EGFL6: variants seen among roughly 807,000 people sequenced by gnomAD.
EGFL6 encodes the protein EGF like domain multiple 6, also known as epidermal growth factor-like protein 6.
In EGFL6, 42 loss-of-function variants were observed where a neutral mutation model predicts 43.1. The ratio of observed to expected loss-of-function variants is 0.98; its 90% CI spans 0.76 to 1.26. The LOEUF (loss-of-function observed/expected upper bound fraction) is 1.26. EGFL6 is among the 50% of genes most tolerant of loss of function. EGFL6 has a pLI of 0.00. For missense variants in EGFL6, 429 were observed against 427.8 expected (o/e 1.00, Z -0.02); for synonymous variants, 164 against 163.2 (o/e 1.01, Z -0.04).
chrX:13,577,329 TATATATATATATAC>T (rs1296387893), intron 1 of EGFL6, among the ~76,000 whole-genome samples: 708 of 16,747 alleles, frequency 0.042, 9 homozygotes, highest in African/African-American at 0.11. Context: ...TATATATATA[TATATATATATATAC>T]ATACACACAC....
rs758232939 is a variant in EGFL6 at position 13,569,833 on chromosome X, C to G, written c.-29C>G. The G allele has an allele frequency of 1.7e-6, 2 of 1,206,964 alleles. No homozygotes were observed. The highest frequency in any genetic ancestry group is 3.5e-5 in the South Asian group (2 of 56,813). On this transcript the variant is annotated 5_prime_UTR_variant, in exon 1 of 12. Transcript: ENST00000361306. ...GGCCGGCGCCCTCCCGAGGGGGGCT[C>G]AGGAGGAGGAAGGAGGACCCGTGCG...
At chrX:13,612,772 G>T (rs774932782) in intron 7 of EGFL6, among the ~76,000 whole-genome samples, 1 of 112,648 alleles carries the variant, frequency 8.9e-6, no homozygotes, top group East Asian at 2.8e-4. Flanking sequence ...ATTGCATCTA[G>T]TTAGCATTCA....
At chrX:13,599,592 G>T (rs2045620554) in intron 3 of EGFL6, among the ~76,000 whole-genome samples, 1 of 108,181 alleles carries the variant, frequency 9.2e-6, no homozygotes, top group Non-Finnish European at 1.9e-5. Flanking sequence ...CTATTCTTCT[G>T]TTGGGAGGTG....
intron 11 of EGFL6, among the ~76,000 whole-genome samples, chrX:13,629,987 C>G (rs763582488): frequency 1.8e-5 from 2 of 112,258 alleles, no homozygotes; most frequent in South Asian, 7.5e-4. Flanking sequence ...GACACAGAAA[C>G]CTTTACTGGG....
chrX:13,626,260 G>A lies in EGFL6; in HGVS notation c.1286-751G>A, dbSNP rs1301345376. Among the ~76,000 whole-genome samples the A allele has an allele frequency of 2.7e-5, 3 of 111,512 alleles. No homozygotes were observed. The Admixed American group carries it at 2.9e-4, about 11-fold the overall frequency. On this transcript the variant is annotated intron_variant, in intron 10 of 11. Coordinates refer to ENST00000361306, the MANE Select transcript of EGFL6 (RefSeq NM_015507.4). ...CAGCCTGGGTCCTGCAAGTATCTCC[G>A]ACTTGCAGTAGCAGAAGACGACCCA...
At chrX:13,607,436 T>TG (rs2045666896) in intron 6 of EGFL6, among the ~76,000 whole-genome samples, 1 of 111,958 alleles carries the variant, frequency 8.9e-6, no homozygotes, top group African/African-American at 3.3e-5. Context: ...CGAACCATCT[T>TG]GTGAAGCCTC....
chrX:13,619,892 C>G (rs756279270), intron 9 of EGFL6, among the ~76,000 whole-genome samples: 3 of 111,394 alleles, frequency 2.7e-5, no homozygotes, highest in African/African-American at 9.8e-5. Context: ...CTCTCATCCT[C>G]CAGCAGGCTA....
chrX:13,585,590 G>A (rs1255681437), intron 1 of EGFL6, among the ~76,000 whole-genome samples: 1 of 110,908 alleles, frequency 9.0e-6, no homozygotes, highest in Admixed American at 9.7e-5. Context: ...CAGGAAATAG[G>A]TAAGGTCCTT....
At chrX:13,626,581 T>G (rs2045781620) in intron 10 of EGFL6, among the ~76,000 whole-genome samples, 1 of 112,010 alleles carries the variant, frequency 8.9e-6, no homozygotes, top group South Asian at 3.7e-4. Flanking sequence ...AACACCACAC[T>G]CTGGACCCAT....
intron 11 of EGFL6, among the ~76,000 whole-genome samples, chrX:13,628,210 C>T (rs1012705284): frequency 9.0e-6 from 1 of 111,320 alleles, no homozygotes; most frequent in African/African-American, 3.3e-5. Context: ...AGGGCCAAAC[C>T]TTTCTTTGGA....
chrX:13,571,855 CT>C (rs778104391), intron 1 of EGFL6, among the ~76,000 whole-genome samples: 1 of 111,984 alleles, frequency 8.9e-6, no homozygotes, highest in Non-Finnish European at 1.9e-5. Context: ...GGATAAGACA[CT>C]GTTACAGAGA....
At chrX:13,631,562 A>G (rs1346284895) in intron 11 of EGFL6, among the ~76,000 whole-genome samples, 1 of 111,016 alleles carries the variant, frequency 9.0e-6, no homozygotes, top group Non-Finnish European at 1.9e-5. Context: ...TGGGTGGATC[A>G]CTTGGGGCCA....
intron 2 of EGFL6, among the ~76,000 whole-genome samples, chrX:13,591,124 A>G (rs1233220996): frequency 8.9e-6 from 1 of 112,263 alleles, no homozygotes; most frequent in Non-Finnish European, 1.9e-5. Flanking sequence ...GGAAGGACCA[A>G]TAATTCTCAT....
intron 8 of EGFL6, among the ~76,000 whole-genome samples, chrX:13,618,578 A>G (rs952650047): frequency 1.8e-5 from 2 of 112,447 alleles, no homozygotes; most frequent in Non-Finnish European, 3.8e-5. Flanking sequence ...TATGTGAACT[A>G]GAGAACTGCC....
chrX:13,593,887 G>C (rs1406666881), intron 2 of EGFL6, among the ~76,000 whole-genome samples: 1 of 111,285 alleles, frequency 9.0e-6, no homozygotes, highest in Non-Finnish European at 1.9e-5. Flanking sequence ...CTTTCTTAGA[G>C]GTGGACCTAC....
intron 1 of EGFL6, among the ~76,000 whole-genome samples, chrX:13,579,853 C>A (rs911866612): frequency 2.3e-4 from 25 of 110,961 alleles, no homozygotes; most frequent in African/African-American, 7.5e-4. Flanking sequence ...CAGGAGGCCT[C>A]AGCTTCTCTC....
At chrX:13,580,995 C>T (rs779916092) in intron 1 of EGFL6, among the ~76,000 whole-genome samples, 1 of 111,673 alleles carries the variant, frequency 9.0e-6, no homozygotes, top group East Asian at 2.8e-4. Context: ...TCTCACTTCC[C>T]CACTCCTTTA....
At chrX:13,573,938 C>T (rs1435689763) in intron 1 of EGFL6, among the ~76,000 whole-genome samples, 1 of 112,475 alleles carries the variant, frequency 8.9e-6, no homozygotes, top group Non-Finnish European at 1.9e-5. Context: ...AGTAAGTGCT[C>T]CATCCACCCA....
intron 3 of EGFL6, among the ~76,000 whole-genome samples, chrX:13,597,569 A>G (rs1018698399): frequency 4.5e-5 from 5 of 111,815 alleles, no homozygotes; most frequent in African/African-American, 6.5e-5. Context: ...GGATCACTTG[A>G]GGTCAAGAGT....
Sources: allele counts gnomAD v4.1 joint callset (sites outside exome capture counted in the v4.1 genomes callset), GRCh38; gene constraint gnomAD v4.1.1; transcripts MANE v1.5; gene names NCBI Gene and HGNC (gene_info 2026-07-23, HGNC 2026-07-21).